The following PLK2 variants were observed in gnomAD, a reference collection of about 807,000 sequenced individuals.
PLK2 encodes serine/threonine-protein kinase PLK2.
Under a neutral mutation model 78.1 loss-of-function variants are expected in PLK2, and 25 were observed. The ratio of observed to expected loss-of-function variants is 0.32; its 90% CI spans 0.23 to 0.45. PLK2 has a LOEUF of 0.45. PLK2 is among the 20% of genes least tolerant of loss of function. The pLI, the probability that PLK2 is intolerant of heterozygous loss-of-function variation, is 1.00. For missense variants in PLK2, 566 were observed against 840.2 expected (o/e 0.67, Z 4.04); for synonymous variants, 332 against 298.2 (o/e 1.11, Z -1.17).
At chr5:58,456,209 G>A in intron 9 of PLK2, 54 bp from the exon 10 acceptor site, 1 of 1,545,172 alleles carries the variant, frequency 6.5e-7, no homozygotes, top group African/African-American at 1.4e-5. Context: ...TCATTTAAGG[G>A]TGAGAATTCC....
At chr5:58,456,200 C>T in intron 9 of PLK2, 45 bp from the exon 10 acceptor site, 1 of 1,572,710 alleles carries the variant, frequency 6.4e-7, no homozygotes, top group Non-Finnish European at 8.6e-7. Context: ...CATCTAAATT[C>T]ATTTAAGGGT....
intron 12 of PLK2, 30 bp from the exon 13 acceptor site, chr5:58,455,051 C>T: frequency 7.5e-7 from 1 of 1,329,822 alleles, no homozygotes. Flanking sequence ...TGAGTTAGTG[C>T]CTACAAAGAT....
At chr5:58,455,045 T>G in intron 12 of PLK2, 24 bp from the exon 13 acceptor site, 4 of 1,365,160 alleles carry the variant, frequency 2.9e-6, no homozygotes, top group Middle Eastern at 1.8e-4. Flanking sequence ...GGAGAGTGAG[T>G]TAGTGCCTAC....
chr5:58,454,680 G>T lies in PLK2; in HGVS notation c.1961C>A (p.Thr654Asn). 6.2e-7 allele frequency: 1 copy of T among 1,613,628 alleles called. No individual in the cohort carries two copies. Among genetic ancestry groups the T allele is most frequent in the Non-Finnish European group, 8.5e-7 (1 of 1,179,530 alleles). ...TYINEDRIST[T>N]FRLTTLLMSG... is the part of the protein sequence containing the mutation. Reference sequence around the variant, plus strand: ...CATCAGCAGAGTTGTCAGCCTGAAAGTTGTAGATATCCTATCCTCATTGAT... The same window carrying T: ...CATCAGCAGAGTTGTCAGCCTGAAATTTGTAGATATCCTATCCTCATTGAT... Residue 654 changes from threonine to asparagine, a missense_variant, in exon 14 of 14, where the codon ACT becomes AAT. Thr to Asn is a moderately conservative substitution (Grantham distance 65). Transcript: ENST00000274289.
intron 1 of PLK2, 102 bp downstream of exon 1, chr5:58,459,588 A>C: frequency 1.3e-5 from 14 of 1,069,860 alleles, no homozygotes; most frequent in Non-Finnish European, 1.8e-5. Context: ...CCCCCGAAAA[A>C]CCCGGAAGCG....
chr5:58,459,780 G>T lies in PLK2; in HGVS notation c.180C>A (p.His60Gln). The change falls in exon 1 of 14, where the codon CAC becomes CAA. Residue 60 changes from histidine (H) to glutamine (Q), a missense_variant. Physicochemically the swap from His to Gln is conservative, Grantham distance 24. Transcript: ENST00000274289. The stretch of plus-strand genomic sequence containing the variant: ...TCTCCGGCCCCGAGTGCGAATGGTG[G>T]TGATGGTGGTGAGGGGCCGCCGGGG... ...QVPPAAPHHHHHHSHSGPEIS... is the reference protein window; with the variant it reads ...QVPPAAPHHHQHHSHSGPEIS... The T allele has an allele frequency of 6.2e-7, 1 of 1,607,904 alleles. No homozygotes were observed.
intron 13 of PLK2, 25 bp downstream of exon 13, chr5:58,454,886 G>A: frequency 6.6e-7 from 1 of 1,506,372 alleles, no homozygotes; most frequent in Non-Finnish European, 9.2e-7. Flanking sequence ...ACCTAAACGT[G>A]CACTTTCCTG....
chr5:58,459,002 G>A lies in PLK2; in HGVS notation c.361C>T (p.Pro121Ser). 1 of 1,596,250 alleles carries A rather than the reference G, an allele frequency of 6.3e-7. No homozygotes were observed. The highest frequency in any genetic ancestry group is 8.6e-7 in the Non-Finnish European group (1 of 1,163,912). ...KIIPHSRVAK[P>S]HQREKIDKEI... ...ATACGCACCTTTTCCCTTTGATGAG[G>A]TTTAGCTACTCTGCTGTGAGGAATA... The change falls in exon 2 of 14, where the codon CCT (proline) becomes TCT (serine). Residue 121 changes from proline to serine, a missense_variant. Pro to Ser is a moderately conservative substitution (Grantham distance 74). Coordinates refer to ENST00000274289, the MANE Select transcript of PLK2 (RefSeq NM_006622.4).
Position 58,457,055 on chromosome 5 carries a change from T to C in PLK2, c.1046A>G (p.His349Arg). ...TGATAAGTGGAAATCTGGAACTGTA[T>C]GACAACAGCTAGAAGACAGTCTGTC... ...TPDRLSSSCCHTVPDFHLSSP... is the reference protein window; with the variant it reads ...TPDRLSSSCCRTVPDFHLSSP... Residue 349 changes from histidine to arginine, a missense_variant, in exon 8 of 14, where the codon CAT (histidine) becomes CGT (arginine). This residue lies in a region of PLK2 where 179 missense variants were observed against 342.3 expected (regional missense o/e 0.52). Transcript: ENST00000274289. The C allele has an allele frequency of 6.2e-7, 1 of 1,613,816 alleles. No individual in the cohort carries two copies. The highest frequency in any genetic ancestry group is 8.5e-7 in the Non-Finnish European group (1 of 1,179,884).
In PLK2 at chr5:58,454,660, G is replaced by C. The variant is rs750738169; in HGVS notation, c.1981C>G (p.Leu661Val). 1.2e-6 allele frequency: 2 copies of C among 1,613,562 alleles called. No individual in the cohort carries two copies. The highest frequency in any genetic ancestry group is 1.7e-5 in the Admixed American group (1 of 60,022). ...AATTCTGATGAACAGCCAGACATCAGCAGAGTTGTCAGCCTGAAAGTTGTA... is the reference window on the plus strand; with the variant it reads ...AATTCTGATGAACAGCCAGACATCACCAGAGTTGTCAGCCTGAAAGTTGTA... ...ISTTFRLTTL[L>V]MSGCSSELKN... The change falls in exon 14 of 14, where the codon CTG becomes GTG. Residue 661 changes from leucine to valine, a missense_variant. Leu to Val is a conservative substitution (Grantham distance 32). Transcript: ENST00000274289.
rs547056739 is a variant in PLK2, at chr5:58,454,571, T to A, written c.*12A>T. On this transcript the variant is annotated 3_prime_UTR_variant, in exon 14 of 14. Coordinates refer to ENST00000274289, the MANE Select transcript of PLK2 (RefSeq NM_006622.4). Reference sequence around the variant, plus strand: ...AAAAGAGGAGTCCCATAGGGTCCATTCGAAAAGTCTTTCAGTTACATCTTT... The same window carrying A: ...AAAAGAGGAGTCCCATAGGGTCCATACGAAAAGTCTTTCAGTTACATCTTT... 3 of 1,590,140 alleles carry A rather than the reference T, an allele frequency of 1.9e-6. No homozygotes were observed. The African/African-American group carries it at 4.0e-5, about 21-fold the overall frequency.
At chr5:58,459,398 G>A in intron 1 of PLK2, 1 of 565,300 alleles carries the variant, frequency 1.8e-6, no homozygotes, top group Non-Finnish European at 3.1e-6. Flanking sequence ...AATTCCCTGG[G>A]AGCAGATAGA....
intron 13 of PLK2, 67 bp from the exon 14 acceptor site, chr5:58,454,841 A>G: frequency 6.8e-7 from 1 of 1,468,530 alleles, no homozygotes; most frequent in Non-Finnish European, 9.5e-7. Context: ...TCAGTCAATC[A>G]CTAAACTGTC....
At chr5:58,458,946 G>T in intron 2 of PLK2, 39 bp downstream of exon 2, 1 of 1,375,354 alleles carries the variant, frequency 7.3e-7, no homozygotes, top group Non-Finnish European at 1.0e-6. Flanking sequence ...GGCCATCCTT[G>T]CACACAAAGA....
Position 58,458,402 on chromosome 5 carries a change from G to T in PLK2, c.622C>A (p.Leu208Ile). 1 of 1,613,862 alleles carries T rather than the reference G, an allele frequency of 6.2e-7. No homozygotes were observed. Among genetic ancestry groups the T allele is most frequent in the Non-Finnish European group, 8.5e-7 (1 of 1,179,752 alleles). ...EQEILHRDLK[L>I]GNFFINEAME... Reference sequence around the variant, plus strand: ...GCTTTTGGCGTCAATGACTTACCTAGTTTGAGATCTCTGTGCAAGATTTCT... The same window carrying T: ...GCTTTTGGCGTCAATGACTTACCTATTTTGAGATCTCTGTGCAAGATTTCT... Residue 208 changes from leucine (L) to isoleucine (I), a missense_variant, in exon 4 of 14, where the codon CTA becomes ATA. This residue lies in a region of PLK2 where 179 missense variants were observed against 342.3 expected (regional missense o/e 0.52). Transcript: ENST00000274289.
chr5:58,459,380 G>C (rs1289637239), intron 1 of PLK2: 1 of 564,130 alleles, frequency 1.8e-6, no homozygotes, highest in African/African-American at 1.9e-5. Flanking sequence ...GATGAGACTT[G>C]TCAGGAAAAT....
chr5:58,455,664 T>C lies in PLK2; in HGVS notation c.1500A>G (p.Ser500=). Residue 500 remains serine, a synonymous_variant, in exon 11 of 14, where the codon TCA becomes TCG. Coordinates refer to ENST00000274289, the MANE Select transcript of PLK2 (RefSeq NM_006622.4). ...CAACCCATTTGGTGACCCACTGAAA[T>C]GATGTGCTCAGCTGCTCTTTGGGAA... is the stretch of plus-strand genomic sequence containing the variant. The part of the protein sequence containing the change: ...DCIPKEQLST[S]FQWVTKWVDY... The C allele has an allele frequency of 1.2e-6, 2 of 1,614,144 alleles. No homozygotes were observed. Among genetic ancestry groups the C allele is most frequent in the African/African-American group, 1.3e-5 (1 of 75,046 alleles).
At chr5:58,455,238 T>C (rs1221523181) in intron 12 of PLK2, 47 bp downstream of exon 12, 2 of 1,603,598 alleles carry the variant, frequency 1.2e-6, no homozygotes, top group African/African-American at 2.7e-5. Context: ...ACTACTGCTT[T>C]GTGGCCTACA....
chr5:58,455,749 G>A lies in PLK2; in HGVS notation c.1415C>T (p.Ala472Val), dbSNP rs1368029447. 4 of 1,613,736 alleles carry A rather than the reference G, an allele frequency of 2.5e-6. No homozygotes were observed. In the South Asian group the frequency reaches 3.3e-5, roughly 13 times the overall value. ...CLEDSTMGSV[A>V]DTVARVLRGC... ...CCGAAGAACCCTTGCCACTGTGTCT[G>A]CAACACTTCCCATGGTACTGTCTTC... The change falls in exon 11 of 14, where the codon GCA becomes GTA. Residue 472 changes from alanine (A) to valine (V), a missense_variant. Ala to Val is a moderately conservative substitution (Grantham distance 64). This residue lies in a region of PLK2 where 129 missense variants were observed against 156.0 expected (regional missense o/e 0.83). Coordinates refer to ENST00000274289, the MANE Select transcript of PLK2 (RefSeq NM_006622.4).
Sources: gnomAD v4.1 joint callset for allele counts on GRCh38, gnomAD v4.1.1 for gene constraint, gnomAD v4.1.1 regional missense constraint, MANE v1.5 for transcripts, NCBI Gene and HGNC (gene_info 2026-07-23, HGNC 2026-07-21) for gene names.